The following GRIK1 variants were observed in gnomAD, a reference collection of about 807,000 sequenced individuals.
GRIK1 encodes the protein glutamate receptor ionotropic, kainate 1.
A neutral mutation model predicts 105.7 loss-of-function variants in GRIK1; 69 were observed. The ratio of observed to expected loss-of-function variants is 0.65; its 90% CI spans 0.54 to 0.80. The LOEUF is 0.80. GRIK1 is among the 30% of genes least tolerant of loss of function. GRIK1 has a pLI of 0.00. For missense variants in GRIK1, 1,109 were observed against 1,167.3 expected, an observed-to-expected ratio of 0.95 and a Z score of 0.73; for synonymous variants, 438 against 431.3, an observed-to-expected ratio of 1.02 and a Z score of -0.19.
At chr21:29,915,367 C>A (rs117924350) in intron 1 of GRIK1, among the ~76,000 whole-genome samples, 1 of 152,072 alleles carries the variant, frequency 6.6e-6, no homozygotes, top group Non-Finnish European at 1.5e-5. Context: ...AACTATCTAG[C>A]GGTTAAATTT....
chr21:29,630,296 C>G (rs2062236828), intron 7 of GRIK1, among the ~76,000 whole-genome samples: 1 of 152,274 alleles, frequency 6.6e-6, no homozygotes, highest in Middle Eastern at 3.4e-3. Context: ...CCTCTGTGAC[C>G]TATGCCCTTT....
chr21:29,808,078 G>T (rs1167418061), intron 1 of GRIK1, among the ~76,000 whole-genome samples: 2 of 152,128 alleles, frequency 1.3e-5, no homozygotes, highest in Non-Finnish European at 2.9e-5. Context: ...ATTTCCTACT[G>T]AGAATGATGG....
chr21:29,761,418 A>G (rs1288197168), intron 1 of GRIK1: 1 of 152,340 alleles, frequency 6.6e-6, no homozygotes, highest in East Asian at 1.9e-4. Context: ...GCTCTCTTTG[A>G]GGTACTGAAA....
At chr21:29,596,122 T>C in intron 9 of GRIK1, 1 of 333,324 alleles carries the variant, frequency 3.0e-6, no homozygotes. Context: ...CTGTAGCCTA[T>C]CTGACTAGTC....
At chr21:29,762,375 T>C (rs1364379491) in intron 1 of GRIK1, among the ~76,000 whole-genome samples, 2 of 152,216 alleles carry the variant, frequency 1.3e-5, no homozygotes, top group Non-Finnish European at 2.9e-5. Context: ...ATTTTTAAAA[T>C]GATTAATTTA....
intron 3 of GRIK1, among the ~76,000 whole-genome samples, chr21:29,681,143 T>C (rs2063366850): frequency 6.6e-6 from 1 of 151,954 alleles, no homozygotes; most frequent in Non-Finnish European, 1.5e-5. Context: ...AAAAATAAAG[T>C]AAAAGAAAAA....
intron 3 of GRIK1, among the ~76,000 whole-genome samples, chr21:29,678,345 T>C (rs1274961814): frequency 1.3e-5 from 2 of 152,142 alleles, no homozygotes; most frequent in Non-Finnish European, 2.9e-5. Context: ...ATAGCGTTTT[T>C]CAGAAGTGCA....
intron 1 of GRIK1, among the ~76,000 whole-genome samples, chr21:29,794,300 G>T (rs922754357): frequency 6.6e-6 from 1 of 152,104 alleles, no homozygotes; most frequent in African/African-American, 2.4e-5. Context: ...TAAATTAATG[G>T]AGAAAAACGT....
At chr21:29,569,713 GA>G (rs1041954354) in intron 14 of GRIK1, among the ~76,000 whole-genome samples, 6 of 151,822 alleles carry the variant, frequency 4.0e-5, no homozygotes, top group African/African-American at 7.3e-5. Flanking sequence ...TTCATCTGGG[GA>G]AAAAAAATGT....
At chr21:29,780,704 C>T (rs1351480944) in intron 1 of GRIK1, among the ~76,000 whole-genome samples, 1 of 152,164 alleles carries the variant, frequency 6.6e-6, no homozygotes, top group Non-Finnish European at 1.5e-5. Context: ...AAACTTGTTT[C>T]TGATGATTAG....
At chr21:29,693,017 A>G (rs1412284998) in intron 2 of GRIK1, among the ~76,000 whole-genome samples, 1 of 152,240 alleles carries the variant, frequency 6.6e-6, no homozygotes, top group African/African-American at 2.4e-5. Flanking sequence ...AACAACCAGC[A>G]TTTAGTAACC....
intron 1 of GRIK1, among the ~76,000 whole-genome samples, chr21:29,744,916 G>A (rs1004069354): frequency 6.6e-6 from 1 of 152,134 alleles, no homozygotes; most frequent in African/African-American, 2.4e-5. Context: ...TTAGAGAAAC[G>A]TAGTCACTTG....
intron 1 of GRIK1, among the ~76,000 whole-genome samples, chr21:29,752,796 C>T (rs927399748): frequency 6.6e-6 from 1 of 152,208 alleles, no homozygotes; most frequent in Non-Finnish European, 1.5e-5. Context: ...AGGATCGTGC[C>T]ACTGCACTCC....
chr21:29,673,172 A>C lies in GRIK1; in HGVS notation c.545-8T>G. The stretch of plus-strand genomic sequence containing the variant: ...CTTGTAGACGAATTAGACCTAGAAA[A>C]TGACATGCAATCATGCAATGGAGAC... On this transcript the variant is annotated splice_polypyrimidine_tract_variant and splice_region_variant and intron_variant, in intron 3 of 17. Transcript: ENST00000327783. The C allele has an allele frequency of 1.3e-6, 2 of 1,582,958 alleles. No individual in the cohort carries two copies. Among genetic ancestry groups the C allele is most frequent in the Non-Finnish European group, 1.7e-6 (2 of 1,153,718 alleles).
At chr21:29,827,114 A>T (rs745787375) in intron 1 of GRIK1, among the ~76,000 whole-genome samples, 1 of 152,162 alleles carries the variant, frequency 6.6e-6, no homozygotes, top group African/African-American at 2.4e-5. Flanking sequence ...CAATTAAAAA[A>T]TTAATTATAT....
At chr21:29,682,125 A>G (rs1311654236) in intron 3 of GRIK1, among the ~76,000 whole-genome samples, 2 of 152,226 alleles carry the variant, frequency 1.3e-5, no homozygotes, top group Admixed American at 6.5e-5. Context: ...TCTGGTGATT[A>G]AAAGTTCATT....
Position 29,651,198 on chromosome 21 carries a change from A to T in GRIK1, c.874T>A (p.Ser292Thr). The T allele has an allele frequency of 1.2e-6, 2 of 1,613,622 alleles. No individual in the cohort carries two copies. Among genetic ancestry groups the T allele is most frequent in the Non-Finnish European group, 1.7e-6 (2 of 1,179,496 alleles). ...TCCATGGACCACTTCTCAATGATGG[A>T]TGACACGTGAGGGTTGTCAATGTTA... ...LLNIDNPHVSSIIEKWSMERL... is the reference protein window; with the variant it reads ...LLNIDNPHVSTIIEKWSMERL... Residue 292 changes from serine (S) to threonine (T), a missense_variant, in exon 6 of 18, where the codon TCC (serine) becomes ACC (threonine). Ser to Thr is a moderately conservative substitution (Grantham distance 58). This residue lies in a region of GRIK1 where 612 missense variants were observed against 586.0 expected (regional missense o/e 1.04). Coordinates refer to ENST00000327783, the MANE Select transcript of GRIK1 (RefSeq NM_001330994.2).
At chr21:29,774,475 G>A (rs35828880) in intron 1 of GRIK1, among the ~76,000 whole-genome samples, 8,202 of 136,182 alleles carry the variant, frequency 0.06, 311 homozygotes, top group Non-Finnish European at 0.081. Context: ...TTTCTGAGAC[G>A]GAGTCTCACT....
At chr21:29,701,595 ATCTT>A in intron 1 of GRIK1, among the ~76,000 whole-genome samples, 1 of 152,324 alleles carries the variant, frequency 6.6e-6, no homozygotes, top group South Asian at 2.1e-4. Context: ...ACCACTGGCC[ATCTT>A]TGAGCAGAGG....
Sources: gnomAD v4.1 joint callset for allele counts (sites outside exome capture counted in the v4.1 genomes callset) on GRCh38, gnomAD v4.1.1 for gene constraint, gnomAD v4.1.1 regional missense constraint, MANE v1.5 for transcripts, NCBI Gene and HGNC (gene_info 2026-07-23, HGNC 2026-07-21) for gene names.